STK36: variants seen among roughly 807,000 people sequenced by gnomAD.
The protein encoded by STK36 is serine/threonine-protein kinase 36.
A neutral mutation model predicts 142.2 loss-of-function variants in STK36; 116 were observed. That is an observed-to-expected ratio of 0.82 (90% CI 0.70 to 0.95). The LOEUF is 0.95. Among genes scored for constraint, STK36 ranks in the 40% least tolerant of loss-of-function variants. The pLI is 0.00. For synonymous variants in STK36, 619 were observed against 641.7 expected, an observed-to-expected ratio of 0.96 and a Z score of 0.53; for missense variants, 1,422 against 1,617.2, an observed-to-expected ratio of 0.88 and a Z score of 2.07.
At chr2:218,675,247 A>C in intron 4 of STK36, 96 bp from the exon 5 acceptor site, 1 of 1,342,924 alleles carries the variant, frequency 7.4e-7, no homozygotes, top group South Asian at 1.5e-5. Context: ...GGAAGGAAGA[A>C]AAGATTAGCA....
chr2:218,689,918 C>T lies in STK36; in HGVS notation c.1620C>T (p.Ala540=), dbSNP rs769357499. Residue 540 remains alanine (A), a synonymous_variant, in exon 13 of 27, where the codon GCC becomes GCT. Coordinates refer to ENST00000295709, the MANE Select transcript of STK36 (RefSeq NM_015690.5). ...DLMAVIQAYF[A]CTFNLERSQT... ...TGGCTGTGATTCAGGCCTACTTTGC[C>T]TGTACCTTCAATCTGGAGAGGAGCC... 1.9e-5 allele frequency: 31 copies of T among 1,604,818 alleles called. No individual in the cohort carries two copies. The highest frequency in any genetic ancestry group is 2.4e-5 in the Non-Finnish European group (28 of 1,175,160).
At chr2:218,685,350 T>C (rs1021848402) in intron 11 of STK36, 122 bp downstream of exon 11, 12 of 1,343,046 alleles carry the variant, frequency 8.9e-6, no homozygotes, top group Middle Eastern at 2.1e-4. Flanking sequence ...GTCTATCTGC[T>C]TAGTTTGAGG....
chr2:218,675,587 C>T lies in STK36; in HGVS notation c.434+114C>T, dbSNP rs373367089. The T allele has an allele frequency of 4.1e-5, 51 of 1,249,172 alleles. No homozygotes were observed. The East Asian group carries it at 1.2e-3, about 29-fold the overall frequency. The allele number at this position is 1,249,172 out of a possible 1,614,324, so 77.4% of individuals were successfully genotyped here. On this transcript the variant is annotated intron_variant, in intron 5 of 26. Transcript: ENST00000295709. The stretch of plus-strand genomic sequence containing the variant: ...TTACCCAGGCTGAAGTGCAATGGTG[C>T]GATCTCCACTCACCACAACCTCTGC...
chr2:218,672,584 A>C (rs1940035590), intron 1 of STK36, among the ~76,000 whole-genome samples, 157 bp from the exon 2 acceptor site: 2 of 152,086 alleles, frequency 1.3e-5, no homozygotes, highest in Admixed American at 1.3e-4. Flanking sequence ...GGACAGGAGG[A>C]TGAAAGTGGG....
Position 218,688,692 on chromosome 2 carries a change from C to T in STK36, c.1381-5C>T, listed in dbSNP as rs754384469. 10 of 1,611,144 alleles carry T rather than the reference C, an allele frequency of 6.2e-6. No homozygotes were observed. Among genetic ancestry groups the T allele is most frequent in the Middle Eastern group, 1.7e-4 (1 of 6,032 alleles). On this transcript the variant is annotated splice_polypyrimidine_tract_variant and splice_region_variant and intron_variant, in intron 11 of 26. Transcript: ENST00000295709. ...ATCGTTGCCTCTTTCCCTCATGTCA[C>T]CCAGATCCTGAAAGGCATCTTGGAG... is the stretch of plus-strand genomic sequence containing the variant.
intron 10 of STK36, among the ~76,000 whole-genome samples, chr2:218,680,944 T>C (rs1488753468): frequency 6.6e-6 from 1 of 152,116 alleles, no homozygotes; most frequent in African/African-American, 2.4e-5. Flanking sequence ...ACCAGTGTTA[T>C]TAATTTAGTC....
chr2:218,698,588 T>G lies in STK36; in HGVS notation c.3058-14T>G. On this transcript the variant is annotated splice_polypyrimidine_tract_variant and intron_variant, in intron 25 of 26. Transcript: ENST00000295709. ...CTCTCTCTCCCTGAATCCTTTTACC[T>G]CCTGTTCTCTCAGGTCTGCTGCTAC... The G allele has an allele frequency of 6.2e-7, 1 of 1,610,682 alleles. No individual in the cohort carries two copies. The highest frequency in any genetic ancestry group is 1.3e-5 in the African/African-American group (1 of 74,984).
At chr2:218,679,423 A>G in intron 7 of STK36, 137 bp from the exon 8 acceptor site, 2 of 1,303,334 alleles carry the variant, frequency 1.5e-6, no homozygotes, top group East Asian at 4.7e-5. Flanking sequence ...TTCCCTTACA[A>G]CCCACTCTCT....
chr2:218,684,407 G>A (rs1482570449), intron 10 of STK36, among the ~76,000 whole-genome samples: 3 of 116,664 alleles, frequency 2.6e-5, no homozygotes, highest in Non-Finnish European at 5.1e-5. Context: ...GAGCTACTGC[G>A]CCTGGCCTTT....
In STK36 at chr2:218,688,676, T is replaced by G. The variant is rs957820476; in HGVS notation, c.1381-21T>G. 9 of 1,606,454 alleles carry G rather than the reference T, an allele frequency of 5.6e-6. No homozygotes were observed. The Admixed American group carries it at 1.2e-4, about 21-fold the overall frequency. ...ACCTCTGAAAATATCAATCGTTGCCTCTTTCCCTCATGTCACCCAGATCCT... is the reference window on the plus strand; with the variant it reads ...ACCTCTGAAAATATCAATCGTTGCCGCTTTCCCTCATGTCACCCAGATCCT... On this transcript the variant is annotated intron_variant, in intron 11 of 26. Coordinates refer to ENST00000295709, the MANE Select transcript of STK36 (RefSeq NM_015690.5).
intron 10 of STK36, among the ~76,000 whole-genome samples, chr2:218,684,578 A>G (rs1940694401): frequency 6.7e-6 from 1 of 149,744 alleles, no homozygotes; most frequent in African/African-American, 2.5e-5. Context: ...GTGCCACCAC[A>G]CCCAGCTAAT....
chr2:218,673,984 C>T, intron 4 of STK36, 28 bp downstream of exon 4: 3 of 1,600,396 alleles, frequency 1.9e-6, no homozygotes, highest in African/African-American at 1.3e-5. Context: ...AACTTCTCCC[C>T]ACCTCCGACC....
At chr2:218,693,870 C>A in intron 18 of STK36, 25 bp from the exon 19 acceptor site, 2 of 1,614,158 alleles carry the variant, frequency 1.2e-6, no homozygotes, top group Non-Finnish European at 1.7e-6. Flanking sequence ...AGAGGTTGTT[C>A]TGATATCTTA....
intron 10 of STK36, among the ~76,000 whole-genome samples, chr2:218,681,410 A>G (rs913717572): frequency 1.3e-5 from 2 of 152,156 alleles, no homozygotes; most frequent in African/African-American, 4.8e-5. Flanking sequence ...TACAGGCATG[A>G]GCCACTGTGC....
At chr2:218,699,473 G>A in intron 26 of STK36, 125 bp downstream of exon 26, 1 of 1,408,714 alleles carries the variant, frequency 7.1e-7, no homozygotes. Context: ...TTTCTCCCAG[G>A]GACAGTGTCT....
chr2:218,695,728 G>T (rs1359695428), intron 21 of STK36, among the ~76,000 whole-genome samples: 3 of 150,784 alleles, frequency 2.0e-5, no homozygotes, highest in Middle Eastern at 3.4e-3. Context: ...AGTAGAGATG[G>T]GGTTTCACCA....
At position 218,690,537 on chromosome 2, in the gene STK36, G is replaced by T; in HGVS notation, c.1746G>T (p.Leu582Phe). Residue 582 changes from leucine (L) to phenylalanine (F), a missense_variant, in exon 14 of 27, where the codon TTG becomes TTT. Coordinates refer to ENST00000295709, the MANE Select transcript of STK36 (RefSeq NM_015690.5). ...LAQPDDSEQT[L>F]RRDSLMCFTV... ...AACCAGATGACTCTGAGCAGACTTT[G>T]CGGAGGGACAGCCTTATGGTAATCT... 1 of 1,614,114 alleles carries T rather than the reference G, an allele frequency of 6.2e-7. No individual in the cohort carries two copies. The highest frequency in any genetic ancestry group is 1.1e-5 in the South Asian group (1 of 91,078).
intron 4 of STK36, among the ~76,000 whole-genome samples, chr2:218,674,513 C>A (rs568666377): frequency 3.8e-4 from 58 of 152,326 alleles, no homozygotes; most frequent in African/African-American, 8.7e-4. Flanking sequence ...GTAGGCCCCC[C>A]CTGGGATTCA....
chr2:218,693,472 C>T (rs969549978), intron 17 of STK36, 128 bp downstream of exon 17: 1 of 913,206 alleles, frequency 1.1e-6, no homozygotes, highest in Non-Finnish European at 1.6e-6. Context: ...TTGAGACACC[C>T]CCTTGGAAGA....
Sources: gnomAD v4.1 joint callset for allele counts (sites outside exome capture counted in the v4.1 genomes callset) on GRCh38, gnomAD v4.1.1 for gene constraint, MANE v1.5 for transcripts, NCBI Gene and HGNC (gene_info 2026-07-23, HGNC 2026-07-21) for gene names.